Variants in ADORA2B observed in about 807,000 individuals in gnomAD.
The protein encoded by ADORA2B is adenosine receptor A2b.
ADORA2B carries 18 observed loss-of-function variants against 20.8 expected under a neutral mutation model. That is an observed-to-expected ratio of 0.87 (90% CI 0.60 to 1.29). ADORA2B has a LOEUF of 1.29. Among genes scored for constraint, ADORA2B ranks in the 50% most tolerant of loss-of-function variants. ADORA2B has a pLI of 0.00. For missense variants in ADORA2B, 441 were observed against 422.7 expected (o/e 1.04, Z -0.38); for synonymous variants, 179 against 178.3 (o/e 1.00, Z -0.03).
At chr17:15,937,949 G>T in the ADORA2B span, among the ~76,000 whole-genome samples, 15 of 152,150 alleles carry the variant, frequency 9.9e-5, no homozygotes, top group Non-Finnish European at 2.1e-4. Context: ...CCAGCTTCTT[G>T]TTAGTCCTGC....
chr17:15,899,990 C>A, the ADORA2B span, among the ~76,000 whole-genome samples: 40 of 152,142 alleles, frequency 2.6e-4, no homozygotes, highest in East Asian at 4.1e-3. Context: ...TGCCACCATG[C>A]CCAGCTAATT....
the ADORA2B span, among the ~76,000 whole-genome samples, chr17:15,862,295 A>G: frequency 4.9e-5 from 7 of 142,968 alleles, no homozygotes; most frequent in Non-Finnish European, 1.5e-5. Context: ...GGCTCACTGC[A>G]ACCTCTGCCT....
chr17:15,943,975 C>A (rs1171210156), upstream of ADORA2B, among the ~76,000 whole-genome samples: 1 of 152,002 alleles, frequency 6.6e-6, no homozygotes, highest in African/African-American at 2.4e-5. Flanking sequence ...AAGCTGAGGA[C>A]CCACAGGCAG....
intron 1 of ADORA2B, among the ~76,000 whole-genome samples, chr17:15,954,761 T>C (rs1305256446): frequency 1.3e-5 from 2 of 152,194 alleles, no homozygotes; most frequent in Non-Finnish European, 2.9e-5. Context: ...AGTGAGACCC[T>C]GTCTCAAAAA....
chr17:15,925,395 T>C, the ADORA2B span, among the ~76,000 whole-genome samples: 23,940 of 152,158 alleles, frequency 0.16, 2,149 homozygotes, highest in Non-Finnish European at 0.2. Context: ...GCGATCCTGC[T>C]ACCTCAGCCT....
intron 1 of ADORA2B, among the ~76,000 whole-genome samples, chr17:15,956,843 A>G (rs565861271): frequency 6.3e-4 from 95 of 151,458 alleles, no homozygotes; most frequent in African/African-American, 2.2e-3. Flanking sequence ...CAGGTGTTCT[A>G]CTCGCCTCGG....
the ADORA2B span, among the ~76,000 whole-genome samples, chr17:15,891,687 CT>C: frequency 7.5e-3 from 1,100 of 147,126 alleles, 17 homozygotes; most frequent in African/African-American, 0.025. Context: ...CACTTTCTCT[CT>C]TTTTTTTTTT....
the ADORA2B span, among the ~76,000 whole-genome samples, chr17:15,853,628 G>GT: frequency 6.6e-5 from 10 of 152,182 alleles, no homozygotes; most frequent in African/African-American, 2.2e-4. Context: ...ATAAAAAGTA[G>GT]TAGGAAATCC....
rs73978565 is a variant in ADORA2B at position 15,965,787 on chromosome 17, C to T, written c.336-8892C>T. Among the ~76,000 whole-genome samples the T allele has an allele frequency of 7.1e-3, 1,075 of 152,382 alleles. 12 individuals are homozygous for T. The highest frequency in any genetic ancestry group is 0.025 in the African/African-American group (1,031 of 41,586). On this transcript the variant is annotated intron_variant, in intron 1 of 1. Transcript: ENST00000304222. ...CATCCTAGCCTGCTGGGGTCTTGGCCGTGGCAGGCTACGCTGCCTCCAGGC... is the reference window on the plus strand; with the variant it reads ...CATCCTAGCCTGCTGGGGTCTTGGCTGTGGCAGGCTACGCTGCCTCCAGGC...
At chr17:15,951,781 G>A (rs1597848653) in intron 1 of ADORA2B, among the ~76,000 whole-genome samples, 1 of 152,238 alleles carries the variant, frequency 6.6e-6, no homozygotes. Flanking sequence ...GGAACTGGAG[G>A]GCAGGGGAGA....
the ADORA2B span, among the ~76,000 whole-genome samples, chr17:15,933,789 TAG>T: frequency 1.3e-5 from 2 of 151,750 alleles, no homozygotes; most frequent in African/African-American, 2.4e-5. Context: ...TATATATATA[TAG>T]AGAGAGAGTT....
At chr17:15,969,216 T>C (rs1211727104) in intron 1 of ADORA2B, among the ~76,000 whole-genome samples, 3 of 152,094 alleles carry the variant, frequency 2.0e-5, no homozygotes, top group Non-Finnish European at 4.4e-5. Context: ...TGTGGGAGGC[T>C]GAGGTGGGCG....
At chr17:15,911,921 T>TA in the ADORA2B span, among the ~76,000 whole-genome samples, 8 of 152,170 alleles carry the variant, frequency 5.3e-5, no homozygotes, top group African/African-American at 1.4e-4. Flanking sequence ...TTTTAAAAAT[T>TA]AGCCAGGCCA....
the ADORA2B span, among the ~76,000 whole-genome samples, chr17:15,937,087 T>C: frequency 2.6e-5 from 4 of 152,344 alleles, no homozygotes; most frequent in Admixed American, 2.6e-4. Context: ...GGCCATATTT[T>C]CCTTCTTATA....
In ADORA2B at chr17:15,945,300, G is replaced by C; in HGVS notation, c.52G>C (p.Ala18Pro). The change falls in exon 1 of 2, where the codon GCC becomes CCC. Residue 18 changes from alanine to proline, a missense_variant. Coordinates refer to ENST00000304222, the MANE Select transcript of ADORA2B (RefSeq NM_000676.4). ...GTACGTGGCGCTGGAGCTGGTCATC[G>C]CCGCGCTTTCGGTGGCGGGCAACGT... ...ALYVALELVI[A>P]ALSVAGNVLV... 6.4e-7 allele frequency: 1 copy of C among 1,564,468 alleles called. No individual in the cohort carries two copies. The highest frequency in any genetic ancestry group is 8.6e-7 in the Non-Finnish European group (1 of 1,159,840).
chr17:15,890,521 G>A, the ADORA2B span, among the ~76,000 whole-genome samples: 1 of 150,104 alleles, frequency 6.7e-6, no homozygotes, highest in East Asian at 2.0e-4. Context: ...TGCCTTATAT[G>A]GCTTTCTTTC....
the ADORA2B span, among the ~76,000 whole-genome samples, chr17:15,927,516 G>A: frequency 9.9e-5 from 15 of 151,676 alleles, no homozygotes; most frequent in Admixed American, 7.2e-4. Context: ...GTGTGGTGGC[G>A]GGTGCCTGTA....
chr17:15,923,408 T>TA, the ADORA2B span, among the ~76,000 whole-genome samples: 157 of 121,976 alleles, frequency 1.3e-3, no homozygotes, highest in Non-Finnish European at 1.7e-3. Flanking sequence ...TATATATATA[T>TA]TTTTTTTTTC....
chr17:15,874,497 G>T, the ADORA2B span, among the ~76,000 whole-genome samples: 1 of 151,754 alleles, frequency 6.6e-6, no homozygotes, highest in African/African-American at 2.4e-5. Context: ...AAACCAGCCT[G>T]GGCAACATCA....
Sources: gnomAD v4.1 joint callset for allele counts (sites outside exome capture counted in the v4.1 genomes callset) on GRCh38, gnomAD v4.1.1 for gene constraint, MANE v1.5 for transcripts, NCBI Gene and HGNC (gene_info 2026-07-23, HGNC 2026-07-21) for gene names.